NPAS3: variants seen among roughly 807,000 people sequenced by gnomAD.
NPAS3 encodes neuronal PAS domain protein 3.
NPAS3 carries 14 observed loss-of-function variants against 73.1 expected under a neutral mutation model. The observed-to-expected ratio is 0.19, with a 90% CI of 0.13 to 0.30. The LOEUF is 0.30. NPAS3 is among the 10% of genes least tolerant of loss of function. The pLI, the probability that NPAS3 is intolerant of heterozygous loss-of-function variation, is 1.00. For missense variants in NPAS3, 1,096 were observed against 1,250.0 expected (o/e 0.88, Z 1.86); for synonymous variants, 620 against 541.5 (o/e 1.14, Z -2.01).
At chr14:32,989,095 G>A (rs189861500) in intron 1 of NPAS3, among the ~76,000 whole-genome samples, 51 of 151,702 alleles carry the variant, frequency 3.4e-4, no homozygotes, top group African/African-American at 1.2e-3. Flanking sequence ...CTGTGGAAGA[G>A]GTAGGTAGAG....
At chr14:33,371,555 G>T (rs1325060416) in intron 4 of NPAS3, among the ~76,000 whole-genome samples, 2 of 152,014 alleles carry the variant, frequency 1.3e-5, no homozygotes, top group African/African-American at 4.8e-5. Context: ...GAAAGGATTG[G>T]TTTTCATTAT....
At position 32,981,812 on chromosome 14, in the gene NPAS3, T is replaced by G. The variant is rs541341157; in HGVS notation, c.50+42446T>G. ...CTTGATGGACAGAACCAATGCACACTCAACTCTTAATTGCACAAATGGAAA... is the reference window on the plus strand; with the variant it reads ...CTTGATGGACAGAACCAATGCACACGCAACTCTTAATTGCACAAATGGAAA... On this transcript the variant is annotated intron_variant, in intron 1 of 11. Transcript: ENST00000356141. Among the ~76,000 whole-genome samples, 4 of 152,266 alleles carry G rather than the reference T, an allele frequency of 2.6e-5. No individual in the cohort carries two copies. The South Asian group carries it at 8.3e-4, about 32-fold the overall frequency.
chr14:33,458,345 T>C (rs1356718121), intron 4 of NPAS3, among the ~76,000 whole-genome samples: 1 of 152,200 alleles, frequency 6.6e-6, no homozygotes, highest in Non-Finnish European at 1.5e-5. Context: ...GTTTTTGGTA[T>C]TTTGAATCAC....
chr14:33,723,045 C>A (rs1021484056), intron 6 of NPAS3, among the ~76,000 whole-genome samples: 2 of 152,100 alleles, frequency 1.3e-5, no homozygotes, highest in African/African-American at 4.8e-5. Flanking sequence ...CACATTCACA[C>A]GGGAAAATTA....
At chr14:33,757,329 C>G (rs1413407150) in intron 7 of NPAS3, among the ~76,000 whole-genome samples, 3 of 152,162 alleles carry the variant, frequency 2.0e-5, no homozygotes, top group Non-Finnish European at 4.4e-5. Context: ...ATTCCATTTT[C>G]TCAGCAATTG....
At chr14:33,527,029 C>T (rs968704651) in intron 4 of NPAS3, among the ~76,000 whole-genome samples, 1 of 152,104 alleles carries the variant, frequency 6.6e-6, no homozygotes, top group Non-Finnish European at 1.5e-5. Flanking sequence ...CTGGCAGAAC[C>T]CCCATTCCTT....
At chr14:33,117,695 C>T (rs755473579) in intron 2 of NPAS3, among the ~76,000 whole-genome samples, 6 of 151,992 alleles carry the variant, frequency 3.9e-5, no homozygotes, top group Non-Finnish European at 5.9e-5. Flanking sequence ...GGAATTGTAA[C>T]CTTATTTGAT....
chr14:32,962,569 C>CTTTTTTTTTTTTTTTTTTTTTTTTTTTTT (rs71432096), intron 1 of NPAS3, among the ~76,000 whole-genome samples: 4 of 110,606 alleles, frequency 3.6e-5, no homozygotes, highest in Admixed American at 9.8e-5. Flanking sequence ...TTTTTCTTTT[C>CTTTTTTTTTTTTTTTTTTTTTTTTTTTTT]TTTTTTTTTT....
intron 3 of NPAS3, among the ~76,000 whole-genome samples, chr14:33,258,424 C>T (rs2048854268): frequency 6.6e-6 from 1 of 152,056 alleles, no homozygotes; most frequent in South Asian, 2.1e-4. Flanking sequence ...AGTTAAAATG[C>T]CTGACTTGAT....
At chr14:33,106,618 T>A (rs973765080) in intron 2 of NPAS3, among the ~76,000 whole-genome samples, 7 of 152,142 alleles carry the variant, frequency 4.6e-5, no homozygotes, top group Non-Finnish European at 2.9e-5. Flanking sequence ...TGCTCTTAAA[T>A]GAGGAGAAAA....
At chr14:33,051,703 A>G (rs1400038585) in intron 1 of NPAS3, among the ~76,000 whole-genome samples, 2 of 152,234 alleles carry the variant, frequency 1.3e-5, no homozygotes, top group African/African-American at 2.4e-5. Context: ...GGTGAAAACT[A>G]AAAGTTATAC....
chr14:33,678,975 C>T (rs1235152838), intron 6 of NPAS3, among the ~76,000 whole-genome samples: 2 of 152,154 alleles, frequency 1.3e-5, no homozygotes, highest in East Asian at 3.9e-4. Flanking sequence ...ATATATATCT[C>T]CTTCAACTGT....
chr14:33,756,663 TAAAAAGAA>T (rs1346971469), intron 7 of NPAS3, among the ~76,000 whole-genome samples: 1 of 152,158 alleles, frequency 6.6e-6, no homozygotes, highest in Non-Finnish European at 1.5e-5. Flanking sequence ...TTGTAAGGAT[TAAAAAGAA>T]AGAAAGGAAG....
chr14:33,215,488 T>C (rs753202141), intron 3 of NPAS3, 62 bp downstream of exon 3: 19 of 1,555,844 alleles, frequency 1.2e-5, no homozygotes, highest in Non-Finnish European at 1.6e-5. Flanking sequence ...TAAGACAAAA[T>C]GTTTACCATC....
chr14:33,094,509 A>G (rs186004277), intron 2 of NPAS3, among the ~76,000 whole-genome samples: 86 of 148,192 alleles, frequency 5.8e-4, no homozygotes, highest in Middle Eastern at 3.6e-3. Context: ...TCTGTTGCCC[A>G]GGCCAGAGTG....
At chr14:33,199,410 G>A (rs2139576763) in intron 2 of NPAS3, among the ~76,000 whole-genome samples, 1 of 152,244 alleles carries the variant, frequency 6.6e-6, no homozygotes, top group Middle Eastern at 3.4e-3. Flanking sequence ...CTATTGTATG[G>A]TTCTTCCATG....
chr14:32,936,078 C>T (rs920663122), upstream of NPAS3, among the ~76,000 whole-genome samples: 1 of 152,196 alleles, frequency 6.6e-6, no homozygotes, highest in African/African-American at 2.4e-5. Context: ...CCTATTTTTA[C>T]CTTGTATTTC....
intron 2 of NPAS3, among the ~76,000 whole-genome samples, chr14:33,117,188 TC>T (rs1306796519): frequency 7.9e-5 from 12 of 152,082 alleles, no homozygotes. Flanking sequence ...CATGCATTTA[TC>T]ATTTCTTGGT....
chr14:32,987,048 A>AG (rs1372231902), intron 1 of NPAS3, among the ~76,000 whole-genome samples: 6 of 152,208 alleles, frequency 3.9e-5, no homozygotes, highest in Non-Finnish European at 8.8e-5. Flanking sequence ...GATGCCAGTC[A>AG]GGGATGAAAA....
Sources: gnomAD v4.1 joint callset for allele counts (sites outside exome capture counted in the v4.1 genomes callset) on GRCh38, gnomAD v4.1.1 for gene constraint, MANE v1.5 for transcripts, NCBI Gene and HGNC (gene_info 2026-07-23, HGNC 2026-07-21) for gene names.